Variants in KAZN observed in about 807,000 individuals in gnomAD.
KAZN encodes kazrin, periplakin interacting protein, also known as kazrin.
A neutral mutation model predicts 87.4 loss-of-function variants in KAZN; 40 were observed. The ratio of observed to expected loss-of-function variants is 0.46; its 90% CI spans 0.36 to 0.60. The LOEUF (loss-of-function observed/expected upper bound fraction) is 0.60, where lower values mean the gene tolerates loss of function less well. Among genes scored for constraint, KAZN ranks in the 20% least tolerant of loss-of-function variants. KAZN has a pLI of 0.00. For synonymous variants in KAZN, 466 were observed against 458.3 expected (o/e 1.02, Z -0.22); for missense variants, 898 against 1,073.9 (o/e 0.84, Z 2.29).
At chr1:14,122,838 A>C (rs972895842) in intron 1 of KAZN, among the ~76,000 whole-genome samples, 1 of 152,130 alleles carries the variant, frequency 6.6e-6, no homozygotes. Flanking sequence ...TTTTGGACAA[A>C]AATGTACCTG....
intron 6 of KAZN, chr1:15,060,505 T>C (rs1573222380): frequency 1.4e-6 from 1 of 691,790 alleles, no homozygotes; most frequent in Non-Finnish European, 2.4e-6. Flanking sequence ...GTTTGCTCCT[T>C]GTGTCCGGGA....
rs560617106 is a variant in KAZN at position 14,167,083 on chromosome 1, G to A, written c.92-13352G>A. On this transcript the variant is annotated intron_variant, in intron 1 of 16. Coordinates refer to the KAZN transcript ENST00000636203. ...ATCAAAAGATTTTCCTTAATGGAAAGGAAGGGGAACTGGACCCATCTAACT... is the reference window on the plus strand; with the variant it reads ...ATCAAAAGATTTTCCTTAATGGAAAAGAAGGGGAACTGGACCCATCTAACT... Among the ~76,000 whole-genome samples the A allele has an allele frequency of 1.1e-4, 17 of 152,360 alleles. No homozygotes were observed. In the South Asian group the frequency reaches 3.5e-3, roughly 32 times the overall value.
At chr1:15,110,549 T>TTGTG (rs71000365) in intron 13 of KAZN, among the ~76,000 whole-genome samples, 31,483 of 147,956 alleles carry the variant, frequency 0.21, 3,831 homozygotes, top group East Asian at 0.51. Context: ...GCATATGTGT[T>TTGTG]TGTGTGTGTG....
chr1:14,328,091 C>T (rs1052725310), intron 2 of KAZN, among the ~76,000 whole-genome samples: 9 of 152,128 alleles, frequency 5.9e-5, no homozygotes, highest in Admixed American at 1.3e-4. Context: ...ATAGACCAGG[C>T]GGAAAATAAT....
chr1:14,115,111 G>C (rs1644587070), intron 1 of KAZN, among the ~76,000 whole-genome samples: 1 of 152,342 alleles, frequency 6.6e-6, no homozygotes, highest in African/African-American at 2.4e-5. Context: ...AGTGCTGGAG[G>C]CTGCAAGTCC....
chr1:14,480,646 A>T (rs1245110501), intron 2 of KAZN, among the ~76,000 whole-genome samples: 2 of 137,738 alleles, frequency 1.5e-5, no homozygotes, highest in African/African-American at 2.7e-5. Context: ...ATGTATTATA[A>T]TATATAATAT....
intron 2 of KAZN, among the ~76,000 whole-genome samples, chr1:14,520,058 G>A (rs1327622833): frequency 6.6e-6 from 1 of 152,124 alleles, no homozygotes; most frequent in Non-Finnish European, 1.5e-5. Flanking sequence ...GGGCCAAGGA[G>A]CACATAGCAG....
chr1:14,577,337 G>A (rs1231714328), intron 2 of KAZN, among the ~76,000 whole-genome samples: 1 of 152,066 alleles, frequency 6.6e-6, no homozygotes, highest in East Asian at 1.9e-4. Context: ...AGCTATCTAC[G>A]GGCTCATTGG....
At chr1:14,771,219 C>T (rs1336552752) in intron 1 of KAZN, among the ~76,000 whole-genome samples, 1 of 151,962 alleles carries the variant, frequency 6.6e-6, no homozygotes, top group Non-Finnish European at 1.5e-5. Flanking sequence ...GAAGTACTGC[C>T]CCGAACTCCT....
chr1:14,608,922 T>C (rs1412447585), intron 1 of KAZN, among the ~76,000 whole-genome samples: 2 of 152,074 alleles, frequency 1.3e-5, no homozygotes, highest in Non-Finnish European at 2.9e-5. Context: ...CACAGTGGGA[T>C]TAATGTCATC....
At chr1:14,615,103 G>T (rs1678125520) in intron 1 of KAZN, among the ~76,000 whole-genome samples, 1 of 152,260 alleles carries the variant, frequency 6.6e-6, no homozygotes, top group South Asian at 2.1e-4. Flanking sequence ...TATCCCTGCA[G>T]GCACTGAGGA....
At chr1:14,967,525 C>T (rs780585708) in intron 2 of KAZN, among the ~76,000 whole-genome samples, 10 of 152,144 alleles carry the variant, frequency 6.6e-5, no homozygotes, top group Non-Finnish European at 7.3e-5. Flanking sequence ...TTAGGTCACA[C>T]GGCAAAGGGG....
intron 1 of KAZN, among the ~76,000 whole-genome samples, chr1:14,958,759 T>A (rs527371053): frequency 1.1e-3 from 170 of 152,290 alleles, no homozygotes; most frequent in African/African-American, 3.8e-3. Context: ...CCTGCATGTG[T>A]CCGGTCTAGC....
At position 15,115,948 on chromosome 1, in the gene KAZN, G is replaced by C. The variant is rs1641827433; in HGVS notation, c.*1313G>C. 1 of 152,256 alleles carries C rather than the reference G, an allele frequency of 6.6e-6. No individual in the cohort carries two copies. The highest frequency in any genetic ancestry group is 1.5e-5 in the Non-Finnish European group (1 of 68,048). The allele number at this position is 152,256 out of a possible 1,614,324, so 9.4% of individuals were successfully genotyped here. On this transcript the variant is annotated 3_prime_UTR_variant, in exon 15 of 15. Transcript: ENST00000376030. This position sits in a 1 kb window ranked among gnomAD's most constrained non-coding sequence, Gnocchi z 4.1. ...CGCTCCAACTCTTTAGGTTGAAGCA[G>C]TGTGCAAAAGGAAGAAAAGAAATGT... is the stretch of plus-strand genomic sequence containing the variant.
intron 1 of KAZN, among the ~76,000 whole-genome samples, chr1:14,789,685 G>A (rs986618641): frequency 7.4e-6 from 1 of 135,502 alleles, no homozygotes; most frequent in African/African-American, 2.8e-5. Flanking sequence ...GTTCTGTCCT[G>A]TCCTCAAGTC....
intron 1 of KAZN, among the ~76,000 whole-genome samples, chr1:13,920,282 T>A (rs1043924353): frequency 6.6e-6 from 1 of 150,940 alleles, no homozygotes; most frequent in East Asian, 2.0e-4. Flanking sequence ...TTCTGTCCCA[T>A]GTTCTGAAGT....
At position 15,066,002 on chromosome 1, in the gene KAZN, TTGA is replaced by T; in HGVS notation, c.1222+252_1222+254del. On this transcript the variant is annotated intron_variant, in intron 8 of 14. Coordinates refer to ENST00000376030, the MANE Select transcript of KAZN (RefSeq NM_201628.3). The surrounding 1 kb of genome is among the most constrained non-coding windows in gnomAD (Gnocchi z 4.3). ...CTCCCCTGCGTCGCCACCTCTGTAA[TTGA>T]TGTACATACCGCAAACCGTGTGTGA... is the stretch of plus-strand genomic sequence containing the variant. The T allele has an allele frequency of 7.5e-7, 1 of 1,328,920 alleles. No individual in the cohort carries two copies. Among genetic ancestry groups the T allele is most frequent in the Non-Finnish European group, 9.6e-7 (1 of 1,043,262 alleles). 82.3% of individuals were successfully genotyped at this position (1,328,920 alleles called of 1,614,324 possible).
intron 2 of KAZN, among the ~76,000 whole-genome samples, chr1:14,982,239 C>T (rs570923514): frequency 1.3e-5 from 2 of 152,218 alleles, no homozygotes; most frequent in Admixed American, 6.5e-5. Context: ...GCGATCCACA[C>T]GCCTGACCAC....
rs188544801 is a variant in KAZN at position 14,094,290 on chromosome 1, C to T, written c.92-86145C>T. Among the ~76,000 whole-genome samples the T allele has an allele frequency of 2.6e-4, 40 of 152,116 alleles. No homozygotes were observed. The East Asian group carries it at 6.2e-3, about 24-fold the overall frequency. On this transcript the variant is annotated intron_variant, in intron 1 of 16. Coordinates refer to the KAZN transcript ENST00000636203. ...TTGATGAGAATGGAAAATAGTTCAG[C>T]GATTCTGGAGGGCAATTTGGAAAGC...
Sources: allele counts gnomAD v4.1 joint callset (sites outside exome capture counted in the v4.1 genomes callset), GRCh38; gene constraint gnomAD v4.1.1; non-coding constraint Gnocchi (gnomAD v3.1); transcripts MANE v1.5; gene names NCBI Gene and HGNC (gene_info 2026-07-23, HGNC 2026-07-21).